Variants in UBE2Q2 observed in about 807,000 individuals in gnomAD.
The protein encoded by UBE2Q2 is ubiquitin-conjugating enzyme E2 Q2.
A neutral mutation model predicts 59.9 loss-of-function variants in UBE2Q2; 54 were observed. That is an observed-to-expected ratio of 0.90 (90% CI 0.72 to 1.13). The LOEUF is 1.13. UBE2Q2 is among the 50% of genes most tolerant of loss of function. UBE2Q2 has a pLI of 0.00. For missense variants in UBE2Q2, 433 were observed against 441.9 expected (o/e 0.98, Z 0.18); for synonymous variants, 165 against 155.2 (o/e 1.06, Z -0.47).
intron 1 of UBE2Q2, among the ~76,000 whole-genome samples, chr15:75,845,279 G>A (rs1436614027): frequency 6.6e-6 from 1 of 152,186 alleles, no homozygotes; most frequent in African/African-American, 2.4e-5. Context: ...TTAGACTGAG[G>A]AAACTCCACC....
At chr15:75,847,749 CT>C (rs1361686935) in intron 1 of UBE2Q2, among the ~76,000 whole-genome samples, 5 of 152,012 alleles carry the variant, frequency 3.3e-5, no homozygotes, top group Non-Finnish European at 7.4e-5. Context: ...CTTTTATGGA[CT>C]TTTTGGCATC....
chr15:75,875,055 C>T (rs1454244549), intron 5 of UBE2Q2, among the ~76,000 whole-genome samples: 1 of 152,138 alleles, frequency 6.6e-6, no homozygotes, highest in Non-Finnish European at 1.5e-5. Flanking sequence ...CAAAGTTTGT[C>T]ATTTGAATTA....
chr15:75,889,575 G>T (rs1898979462), intron 9 of UBE2Q2, among the ~76,000 whole-genome samples: 1 of 152,132 alleles, frequency 6.6e-6, no homozygotes, highest in Non-Finnish European at 1.5e-5. Context: ...GAAGCAGTAG[G>T]AATCTCAAGC....
At position 75,843,839 on chromosome 15, in the gene UBE2Q2, A is replaced by T; in HGVS notation, c.173A>T (p.Asn58Ile). The T allele has an allele frequency of 6.3e-7, 1 of 1,585,596 alleles. No individual in the cohort carries two copies. Among genetic ancestry groups the T allele is most frequent in the South Asian group, 1.1e-5 (1 of 87,534 alleles). Residue 58 changes from asparagine (N) to isoleucine (I), a missense_variant, in exon 1 of 13, where the codon AAC (asparagine) becomes ATC (isoleucine). Asn to Ile is a moderately radical substitution (Grantham distance 149, BLOSUM62 -3). Transcript: ENST00000267938. Reference protein sequence around the residue: ...SLPPPLTLHCNITESYPSSSP... With the variant: ...SLPPPLTLHCIITESYPSSSP... ...CCGCCGCCACTCACGCTCCACTGCA[A>T]CATCACGGTGAGGCGCCCGGCCGCG... is the stretch of plus-strand genomic sequence containing the variant.
intron 1 of UBE2Q2, chr15:75,844,141 A>G (rs1178918489): frequency 7.0e-7 from 1 of 1,419,062 alleles, no homozygotes; most frequent in Non-Finnish European, 9.2e-7. Flanking sequence ...CGGCGGCCCA[A>G]GCCCTTGTGG....
intron 1 of UBE2Q2, among the ~76,000 whole-genome samples, chr15:75,849,505 A>T (rs182026119): frequency 6.8e-4 from 104 of 152,358 alleles, no homozygotes; most frequent in Non-Finnish European, 2.4e-4. Flanking sequence ...AGAAAAATAG[A>T]TACAGAAAGT....
chr15:75,846,389 C>T (rs978494257), intron 1 of UBE2Q2, among the ~76,000 whole-genome samples: 22 of 152,216 alleles, frequency 1.4e-4, no homozygotes, highest in African/African-American at 5.1e-4. Context: ...AGGTTTCCGC[C>T]GCCACACCCG....
At chr15:75,844,144 C>T (rs1182917446) in intron 1 of UBE2Q2, 2 of 1,425,892 alleles carry the variant, frequency 1.4e-6, no homozygotes, top group Non-Finnish European at 1.8e-6. Context: ...CGGCCCAAGC[C>T]CTTGTGGGGT....
At chr15:75,859,378 C>T (rs143333229) in intron 2 of UBE2Q2, among the ~76,000 whole-genome samples, 29 of 152,190 alleles carry the variant, frequency 1.9e-4, no homozygotes, top group Non-Finnish European at 3.7e-4. Context: ...TATCCAAGGT[C>T]ATCTAGATTG....
chr15:75,881,355 A>G (rs1406038666), intron 8 of UBE2Q2, among the ~76,000 whole-genome samples: 7 of 151,922 alleles, frequency 4.6e-5, no homozygotes, highest in African/African-American at 1.7e-4. Flanking sequence ...ATTTGTGACT[A>G]TAGGTAGTGT....
intron 1 of UBE2Q2, among the ~76,000 whole-genome samples, chr15:75,845,172 A>C (rs1451439242): frequency 6.6e-6 from 1 of 151,980 alleles, no homozygotes; most frequent in Non-Finnish European, 1.5e-5. Flanking sequence ...GACTTGGGGG[A>C]GGTGCGCTTC....
At chr15:75,859,562 T>A (rs1220682156) in intron 2 of UBE2Q2, among the ~76,000 whole-genome samples, 1 of 152,184 alleles carries the variant, frequency 6.6e-6, no homozygotes, top group African/African-American at 2.4e-5. Flanking sequence ...TGTTCTCTTG[T>A]CTGAAGTTGT....
chr15:75,861,283 T>G (rs947870283), intron 3 of UBE2Q2, among the ~76,000 whole-genome samples: 4 of 152,250 alleles, frequency 2.6e-5, no homozygotes, highest in Non-Finnish European at 4.4e-5. Context: ...AATTTTACCT[T>G]AGAATTTCAA....
At chr15:75,849,019 A>G (rs1896501569) in intron 1 of UBE2Q2, among the ~76,000 whole-genome samples, 1 of 152,174 alleles carries the variant, frequency 6.6e-6, no homozygotes, top group African/African-American at 2.4e-5. Flanking sequence ...TTGTGTTTGA[A>G]TACTTAAGCA....
intron 4 of UBE2Q2, among the ~76,000 whole-genome samples, chr15:75,870,600 A>G (rs553181658): frequency 7.2e-5 from 11 of 152,310 alleles, no homozygotes; most frequent in Admixed American, 2.6e-4. Context: ...ACATGGAGGG[A>G]AACCTAGAAA....
At chr15:75,889,373 T>G (rs1898965888) in intron 9 of UBE2Q2, among the ~76,000 whole-genome samples, 1 of 152,216 alleles carries the variant, frequency 6.6e-6, no homozygotes, top group Non-Finnish European at 1.5e-5. Context: ...TCCCTTATTT[T>G]ATTATTAAAT....
intron 2 of UBE2Q2, among the ~76,000 whole-genome samples, chr15:75,856,197 GTA>G (rs1159451533): frequency 4.7e-5 from 7 of 149,470 alleles, no homozygotes; most frequent in Non-Finnish European, 7.4e-5. Context: ...AAAAAAAAAT[GTA>G]TATATATATG....
chr15:75,844,036 C>CGGA (rs1367144916), intron 1 of UBE2Q2, 190 bp downstream of exon 1: 29 of 1,406,352 alleles, frequency 2.1e-5, no homozygotes, highest in Non-Finnish European at 2.4e-5. Flanking sequence ...TGGGAGGAGG[C>CGGA]GGAGGGCGCG....
In UBE2Q2 at chr15:75,883,271, G is replaced by A. The variant is rs973951668; in HGVS notation, c.826-95G>A. On this transcript the variant is annotated intron_variant, in intron 8 of 12. Transcript: ENST00000267938. ...TCTTACCCATTATCTGATAATAAAT[G>A]TACACATTCTTTATAGTATCTTTTA... The A allele has an allele frequency of 5.2e-6, 6 of 1,152,452 alleles. No individual in the cohort carries two copies. In the African/African-American group the frequency reaches 6.3e-5, roughly 12 times the overall value. The allele number at this position is 1,152,452 out of a possible 1,614,324, so 71.4% of individuals were successfully genotyped here. A position where few individuals can be genotyped will look rare whatever the true frequency, so the allele number is the denominator to read the frequency against.
Sources: gnomAD v4.1 joint callset for allele counts (sites outside exome capture counted in the v4.1 genomes callset) on GRCh38, gnomAD v4.1.1 for gene constraint, MANE v1.5 for transcripts, NCBI Gene and HGNC (gene_info 2026-07-23, HGNC 2026-07-21) for gene names.